ZNF540: variants seen among roughly 807,000 people sequenced by gnomAD.
ZNF540 encodes the protein CTD-3064H18.6.
Under a neutral mutation model 11.8 loss-of-function variants are expected in ZNF540, and 3 were observed. The ratio of observed to expected loss-of-function variants is 0.25; its 90% confidence interval spans 0.12 to 0.65. ZNF540 has a LOEUF of 0.65. ZNF540 is among the 30% of genes least tolerant of loss of function. The pLI is 0.83. For missense variants in ZNF540, 709 were observed against 793.1 expected (o/e 0.89, Z 1.27); for synonymous variants, 247 against 259.0 (o/e 0.95, Z 0.45).
At chr19:37,579,745 T>C (rs535043215) in intron 1 of ZNF540, among the ~76,000 whole-genome samples, 20 of 152,318 alleles carry the variant, frequency 1.3e-4, no homozygotes, top group East Asian at 3.9e-4. Flanking sequence ...CCACTATTAA[T>C]TGCAGCTGTG....
At chr19:37,604,790 G>A (rs1259383544) in intron 4 of ZNF540, among the ~76,000 whole-genome samples, 3 of 152,062 alleles carry the variant, frequency 2.0e-5, no homozygotes, top group African/African-American at 7.2e-5. Context: ...TTTACAGTCA[G>A]TACCCTTCCC....
intron 1 of ZNF540, chr19:37,555,968 AGTAT>A: frequency 1.4e-6 from 1 of 700,978 alleles, no homozygotes. Flanking sequence ...AAAACTGGTA[AGTAT>A]CTCGACAGCT....
At chr19:37,593,764 G>C (rs1317808691), upstream of ZNF540, among the ~76,000 whole-genome samples, 1 of 152,044 alleles carries the variant, frequency 6.6e-6, no homozygotes, top group African/African-American at 2.4e-5. Flanking sequence ...TCATTGGGTG[G>C]AAAGGAGAGG....
intron 1 of ZNF540, among the ~76,000 whole-genome samples, chr19:37,573,876 C>T (rs925121591): frequency 6.6e-6 from 1 of 151,652 alleles, no homozygotes. Context: ...AATAACAAAA[C>T]TGCTTAGCTG....
chr19:37,560,347 G>C (rs1006861020), intron 1 of ZNF540: 1 of 151,474 alleles, frequency 6.6e-6, no homozygotes, highest in Non-Finnish European at 1.5e-5. Flanking sequence ...GATAAACTTC[G>C]TATGTAACTT....
intron 1 of ZNF540, among the ~76,000 whole-genome samples, chr19:37,596,031 G>T (rs1045786850): frequency 6.6e-6 from 1 of 152,072 alleles, no homozygotes; most frequent in Non-Finnish European, 1.5e-5. Context: ...ATATGAGGTT[G>T]TAAGAAATAA....
chr19:37,558,268 C>T (rs187426134), intron 1 of ZNF540, among the ~76,000 whole-genome samples: 2 of 152,284 alleles, frequency 1.3e-5, no homozygotes, highest in African/African-American at 4.8e-5. Context: ...TTGTCAAAAA[C>T]CTTTTGGGCT....
In ZNF540 at chr19:37,599,699, G is replaced by A; in HGVS notation, c.83G>A (p.Arg28Lys). ...TGGGAGTGCCTGGACACTACCCAGAGGAAATTGTACAGAGATGTGATGTTG... is the reference window on the plus strand; with the variant it reads ...TGGGAGTGCCTGGACACTACCCAGAAGAAATTGTACAGAGATGTGATGTTG... The part of the protein sequence containing the change: ...KEWECLDTTQ[R>K]KLYRDVMLEN... Residue 28 changes from arginine to lysine, a missense_variant, in exon 3 of 5, where the codon AGG becomes AAG. Transcript: ENST00000316433. 2.5e-6 allele frequency: 4 copies of A among 1,613,570 alleles called. No homozygotes were observed. Among genetic ancestry groups the A allele is most frequent in the Non-Finnish European group, 3.4e-6 (4 of 1,179,754 alleles).
chr19:37,568,253 C>CAAATAA (rs2042930676), intron 1 of ZNF540, among the ~76,000 whole-genome samples: 1 of 151,948 alleles, frequency 6.6e-6, no homozygotes, highest in Non-Finnish European at 1.5e-5. Flanking sequence ...AAATAAGCCT[C>CAAATAA]CAAAACTTGA....
intron 1 of ZNF540, among the ~76,000 whole-genome samples, chr19:37,551,913 G>T (rs1313972419): frequency 3.9e-5 from 6 of 151,994 alleles, no homozygotes; most frequent in African/African-American, 1.5e-4. Context: ...GCTCTCTTAT[G>T]CGCCCTCTTG....
chr19:37,600,132 T>TA (rs896466296), intron 3 of ZNF540, among the ~76,000 whole-genome samples: 10 of 152,336 alleles, frequency 6.6e-5, no homozygotes, highest in African/African-American at 2.4e-4. Flanking sequence ...ATAACAGCCC[T>TA]ACCCAGGGTC....
chr19:37,585,730 C>A (rs2043648729), intron 1 of ZNF540: 1 of 152,186 alleles, frequency 6.6e-6, no homozygotes, highest in Admixed American at 6.5e-5. Flanking sequence ...AATTTCGTTA[C>A]AAAACCTATG....
chr19:37,599,941 G>GAGCC (rs2044026159), intron 3 of ZNF540, among the ~76,000 whole-genome samples, 189 bp downstream of exon 3: 1 of 152,154 alleles, frequency 6.6e-6, no homozygotes, highest in Non-Finnish European at 1.5e-5. Flanking sequence ...ATACCTCACT[G>GAGCC]AGCCTCATGA....
intron 1 of ZNF540, chr19:37,585,076 G>A (rs977022421): frequency 1.3e-5 from 2 of 151,728 alleles, no homozygotes; most frequent in African/African-American, 2.4e-5. Flanking sequence ...TATTTTCCAC[G>A]TTCCTAGGCT....
Position 37,612,265 on chromosome 19 carries a change from T to G in ZNF540, c.985T>G (p.Cys329Gly). ...RIHTGKKPYE[C>G]KECGKAFSVC... ...TCATACAGGTAAGAAACCCTATGAATGTAAGGAGTGTGGGAAAGCTTTTAG... is the reference window on the plus strand; with the variant it reads ...TCATACAGGTAAGAAACCCTATGAAGGTAAGGAGTGTGGGAAAGCTTTTAG... The change falls in exon 5 of 5, where the codon TGT becomes GGT. Residue 329 changes from cysteine to glycine, a missense_variant. Physicochemically the swap from Cys to Gly is radical, Grantham distance 159. Coordinates refer to ENST00000316433, the MANE Select transcript of ZNF540 (RefSeq NM_001172225.3). 6.2e-7 allele frequency: 1 copy of G among 1,614,036 alleles called. No homozygotes were observed. Among genetic ancestry groups the G allele is most frequent in the Non-Finnish European group, 8.5e-7 (1 of 1,180,020 alleles).
chr19:37,608,523 T>G (rs537481810), intron 4 of ZNF540, among the ~76,000 whole-genome samples: 1 of 152,358 alleles, frequency 6.6e-6, no homozygotes, highest in East Asian at 1.9e-4. Flanking sequence ...CATATCTGAC[T>G]CTCATTCTGA....
intron 1 of ZNF540, chr19:37,556,198 C>G (rs1396941324): frequency 1.5e-6 from 1 of 681,170 alleles, no homozygotes; most frequent in Non-Finnish European, 2.7e-6. Context: ...GCAAAGGAGA[C>G]TTCCTTGGAG....
chr19:37,583,226 T>A (rs957487105), intron 1 of ZNF540, among the ~76,000 whole-genome samples: 3 of 152,220 alleles, frequency 2.0e-5, no homozygotes, highest in Non-Finnish European at 4.4e-5. Flanking sequence ...CCTCCTAACC[T>A]ATGAACGTAG....
At position 37,612,965 on chromosome 19, in the gene ZNF540, G is replaced by A. The variant is rs768614875; in HGVS notation, c.1685G>A (p.Arg562Gln). The A allele has an allele frequency of 1.6e-5, 26 of 1,613,920 alleles. No individual in the cohort carries two copies. Among genetic ancestry groups the A allele is most frequent in the Admixed American group, 6.7e-5 (4 of 59,984 alleles). ...DCKECGKSFS[R>Q]RGQFTEHQKI... ...AAAGAATGTGGGAAGTCCTTTAGTC[G>A]GCGTGGGCAGTTCACTGAACATCAG... Residue 562 changes from arginine (R) to glutamine (Q), a missense_variant, in exon 5 of 5, where the codon CGG becomes CAG. Arg to Gln is a conservative substitution (Grantham distance 43). Coordinates refer to ENST00000316433, the MANE Select transcript of ZNF540 (RefSeq NM_001172225.3).
Sources: gnomAD v4.1 joint callset for allele counts (sites outside exome capture counted in the v4.1 genomes callset) on GRCh38, gnomAD v4.1.1 for gene constraint, MANE v1.5 for transcripts, NCBI Gene and HGNC (gene_info 2026-07-23, HGNC 2026-07-21) for gene names.